The following CD47 variants were observed in gnomAD, a reference collection of about 807,000 sequenced individuals.
The protein encoded by CD47 is CD47 molecule, also known as leukocyte surface antigen CD47.
Under a neutral mutation model 44.6 loss-of-function variants are expected in CD47, and 11 were observed. The observed-to-expected ratio is 0.25, with a 90% CI of 0.16 to 0.41. The LOEUF is 0.41. Ranked by LOEUF, CD47 falls within the 10% of genes least tolerant of loss-of-function variation. The pLI is 1.00. For missense variants in CD47, 306 were observed against 386.7 expected (o/e 0.79, Z 1.75); for synonymous variants, 140 against 136.3 (o/e 1.03, Z -0.19).
At chr3:108,064,620 T>A (rs530369863) in intron 3 of CD47, among the ~76,000 whole-genome samples, 1 of 152,174 alleles carries the variant, frequency 6.6e-6, no homozygotes, top group Non-Finnish European at 1.5e-5. Context: ...CACACCCATA[T>A]AGGCTCACAC....
chr3:108,086,958 C>A (rs140516523), intron 1 of CD47, among the ~76,000 whole-genome samples: 2 of 151,988 alleles, frequency 1.3e-5, no homozygotes, highest in African/African-American at 4.8e-5. Context: ...GAGAATGAGA[C>A]GAAGGTTATC....
At chr3:108,051,466 G>A (rs1030431889) in intron 8 of CD47, among the ~76,000 whole-genome samples, 1 of 152,158 alleles carries the variant, frequency 6.6e-6, no homozygotes, top group Non-Finnish European at 1.5e-5. Flanking sequence ...ATTTGTATGG[G>A]AGAGGATCGA....
chr3:108,057,840 G>T (rs2078937761), intron 6 of CD47, among the ~76,000 whole-genome samples: 1 of 152,104 alleles, frequency 6.6e-6, no homozygotes, highest in Admixed American at 6.6e-5. Context: ...TATTTTAAAA[G>T]CTCTTCCACA....
chr3:108,081,030 A>G (rs1322394864), intron 1 of CD47, among the ~76,000 whole-genome samples: 1 of 151,718 alleles, frequency 6.6e-6, no homozygotes, highest in Non-Finnish European at 1.5e-5. Context: ...ACATTTTCCC[A>G]CCCCCACATT....
intron 2 of CD47, among the ~76,000 whole-genome samples, chr3:108,074,875 T>C (rs2079279765): frequency 6.7e-6 from 1 of 148,478 alleles, no homozygotes; most frequent in African/African-American, 2.6e-5. Context: ...GAATTAGATA[T>C]TTAAGAACCA....
At position 108,058,403 on chromosome 3, in the gene CD47, C is replaced by A; in HGVS notation, c.718G>T (p.Ala240Ser). 1 of 1,566,384 alleles carries A rather than the reference C, an allele frequency of 6.4e-7. No homozygotes were observed. Among genetic ancestry groups the A allele is most frequent in the Non-Finnish European group, 8.7e-7 (1 of 1,153,522 alleles). The change falls in exon 6 of 11, where the codon GCC becomes TCC. Residue 240 changes from alanine (A) to serine (S), a missense_variant. By Grantham distance (99) the Ala-to-Ser change is moderately conservative. Around this residue, in one of 5 missense-constraint regions of CD47, gnomAD observed 131 missense variants for 135.3 expected, o/e 0.97. Transcript: ENST00000361309. ...GCTATCACCTGAATAACCAATATGG[C>A]AATGACGAAGGAGGTTAATCCAATC... is the stretch of plus-strand genomic sequence containing the variant. ...TAIGLTSFVI[A>S]ILVIQVIAYI...
chr3:108,057,511 T>G lies in CD47; in HGVS notation c.843A>C (p.Ala281=), dbSNP rs756347543. 11 of 1,573,688 alleles carry G rather than the reference T, an allele frequency of 7.0e-6. No homozygotes were observed. Among genetic ancestry groups the G allele is most frequent in the Non-Finnish European group, 9.6e-6 (11 of 1,143,570 alleles). The change falls in exon 7 of 11, where the codon GCA becomes GCC. Residue 281 remains alanine, a synonymous_variant. Transcript: ENST00000361309. The stretch of plus-strand genomic sequence containing the variant: ...TCATATAAACTAGTCCAAGTAATTG[T>G]GCTAGAGCTAAGATACTCAAACCTG... ...LISGLSILAL[A]QLLGLVYMKF... is the part of the protein sequence containing the mutation.
intron 8 of CD47, 83 bp downstream of exon 8, chr3:108,051,856 T>TA (rs1559978869): frequency 2.9e-6 from 3 of 1,030,824 alleles, no homozygotes; most frequent in Non-Finnish European, 3.1e-6. Context: ...ACAAAACAGA[T>TA]AGCAAAATAT....
chr3:108,070,350 T>C (rs2079178284), intron 3 of CD47, among the ~76,000 whole-genome samples: 1 of 152,178 alleles, frequency 6.6e-6, no homozygotes, highest in Non-Finnish European at 1.5e-5. Context: ...AGCTTAAAAG[T>C]TTAGACTGTC....
chr3:108,050,242 C>T (rs2078802485), intron 9 of CD47, among the ~76,000 whole-genome samples: 2 of 152,074 alleles, frequency 1.3e-5, no homozygotes, highest in African/African-American at 4.8e-5. Flanking sequence ...CTCAGCCTCC[C>T]GAGTAGCTGG....
In CD47 at chr3:108,047,030, T is replaced by C; in HGVS notation, c.*258A>G. ...TTGTCCATTCTACTATTGCCCCTAA[T>C]TGATTAAAAATAACAACAAAAAACT... On this transcript the variant is annotated 3_prime_UTR_variant, in exon 11 of 11. Transcript: ENST00000361309. 2.4e-6 allele frequency: 1 copy of C among 412,268 alleles called. No homozygotes were observed. The highest frequency in any genetic ancestry group is 2.1e-5 in the African/African-American group (1 of 48,660). 25.5% of individuals were successfully genotyped at this position (412,268 alleles called of 1,614,324 possible).
intron 10 of CD47, among the ~76,000 whole-genome samples, chr3:108,048,061 TA>T (rs200049252): frequency 7.8e-4 from 112 of 143,732 alleles, no homozygotes; most frequent in Middle Eastern, 3.6e-3. Flanking sequence ...ACATAGAAAT[TA>T]AAAAAAAAAA....
chr3:108,056,573 TA>T (rs1159537674), intron 7 of CD47, among the ~76,000 whole-genome samples: 1 of 152,176 alleles, frequency 6.6e-6, no homozygotes, highest in African/African-American at 2.4e-5. Context: ...ACTATTTTTT[TA>T]CTCCATTAAT....
At chr3:108,065,325 G>T (rs1184531722) in intron 3 of CD47, among the ~76,000 whole-genome samples, 1 of 152,112 alleles carries the variant, frequency 6.6e-6, no homozygotes, top group African/African-American at 2.4e-5. Context: ...TTGAGTATAT[G>T]GAGAAGGTTG....
At chr3:108,055,532 T>C (rs2078899639) in intron 7 of CD47, 2 of 1,303,970 alleles carry the variant, frequency 1.5e-6, no homozygotes, top group Non-Finnish European at 2.0e-6. Context: ...TGTCTCTTCT[T>C]GCCTTTCAAC....
intron 7 of CD47, chr3:108,055,661 T>C (rs1034490043): frequency 2.4e-5 from 15 of 624,308 alleles, no homozygotes; most frequent in Non-Finnish European, 3.7e-5. Context: ...TTTAAACATA[T>C]AGCATAAATT....
chr3:108,086,482 T>C (rs939039338), intron 1 of CD47, among the ~76,000 whole-genome samples: 15 of 152,132 alleles, frequency 9.9e-5, no homozygotes, highest in African/African-American at 3.6e-4. Context: ...AGTTAGATGG[T>C]AGGCTAATTA....
chr3:108,067,302 G>A (rs2079120195), intron 3 of CD47, among the ~76,000 whole-genome samples: 1 of 152,214 alleles, frequency 6.6e-6, no homozygotes, highest in Admixed American at 6.5e-5. Flanking sequence ...TTGTTTTGCA[G>A]AATTTCAGCT....
rs536110862 is a variant in CD47, at chr3:108,046,591, G to C, written c.*697C>G. The stretch of plus-strand genomic sequence containing the variant: ...GTTTCAAGGGGTTATGTGAATAAAA[G>C]GAAAACATATCCATCAATAAAAGTA... On this transcript the variant is annotated 3_prime_UTR_variant, in exon 11 of 11. Transcript: ENST00000361309. The C allele has an allele frequency of 1.3e-5, 2 of 152,590 alleles. No homozygotes were observed. Among genetic ancestry groups the C allele is most frequent in the South Asian group, 4.2e-4 (2 of 4,816 alleles). The allele number at this position is 152,590 out of a possible 1,614,324, so 9.5% of individuals were successfully genotyped here. A position where few individuals can be genotyped will look rare whatever the true frequency, so the allele number is the denominator to read the frequency against.
Sources: gnomAD v4.1 joint callset for allele counts (sites outside exome capture counted in the v4.1 genomes callset) on GRCh38, gnomAD v4.1.1 for gene constraint, gnomAD v4.1.1 regional missense constraint, MANE v1.5 for transcripts, NCBI Gene and HGNC (gene_info 2026-07-23, HGNC 2026-07-21) for gene names.